The following SPRED1 variants were observed in gnomAD, a reference collection of about 807,000 sequenced individuals.
The protein encoded by SPRED1 is sprouty related EVH1 domain containing 1.
A neutral mutation model predicts 52.3 loss-of-function variants in SPRED1; 18 were observed. The ratio of observed to expected loss-of-function variants is 0.34; its 90% confidence interval spans 0.24 to 0.51. The LOEUF is 0.51. SPRED1 is among the 20% of genes least tolerant of loss of function. The pLI is 0.97. For synonymous variants in SPRED1, 155 were observed against 179.7 expected, an observed-to-expected ratio of 0.86 and a Z score of 1.10; for missense variants, 485 against 551.0, an observed-to-expected ratio of 0.88 and a Z score of 1.20.
chr15:38,304,789 T>G (rs1895216795), intron 2 of SPRED1, among the ~76,000 whole-genome samples: 1 of 152,222 alleles, frequency 6.6e-6, no homozygotes, highest in South Asian at 2.1e-4. Context: ...TTTATTCCCC[T>G]CCTACTGCTC....
chr15:38,271,477 CAGCT>C (rs74387723), intron 1 of SPRED1, among the ~76,000 whole-genome samples: 13,801 of 152,202 alleles, frequency 0.091, 752 homozygotes, highest in East Asian at 0.21. Context: ...GAAATAGAGA[CAGCT>C]AACATTTATT....
In SPRED1 at chr15:38,356,179, G is replaced by C. The variant is rs960921010; in HGVS notation, c.*4515G>C. 1 of 151,772 alleles carries C rather than the reference G, an allele frequency of 6.6e-6. No homozygotes were observed. Among genetic ancestry groups the C allele is most frequent in the Non-Finnish European group, 1.5e-5 (1 of 67,892 alleles). The allele number at this position is 151,772 out of a possible 1,614,324, so 9.4% of individuals were successfully genotyped here. On this transcript the variant is annotated 3_prime_UTR_variant, in exon 7 of 7. Transcript: ENST00000299084. ...GCTTTCTATTTCTGACCTCAAAAGT[G>C]CCTCACTTGTATATTATTTCCATTA...
chr15:38,329,106 C>G (rs1354665768), intron 4 of SPRED1, among the ~76,000 whole-genome samples: 11 of 152,112 alleles, frequency 7.2e-5, no homozygotes. Flanking sequence ...ACAACATTTA[C>G]AGCTCTTATT....
intron 6 of SPRED1, among the ~76,000 whole-genome samples, chr15:38,349,873 G>A (rs1265846868): frequency 2.0e-5 from 3 of 152,154 alleles, no homozygotes; most frequent in African/African-American, 7.2e-5. Flanking sequence ...TGAGTCAGAT[G>A]CTTACTTGTA....
At chr15:38,300,011 C>T (rs1196313179) in intron 2 of SPRED1, among the ~76,000 whole-genome samples, 1 of 152,126 alleles carries the variant, frequency 6.6e-6, no homozygotes, top group Non-Finnish European at 1.5e-5. Context: ...ATTCCCATTT[C>T]AGTATCCACA....
At chr15:38,340,041 T>C in intron 5 of SPRED1, 146 bp downstream of exon 5, 1 of 1,079,210 alleles carries the variant, frequency 9.3e-7, no homozygotes, top group Non-Finnish European at 1.4e-6. Context: ...CCAGGAGAAT[T>C]TGATTTATAA....
intron 1 of SPRED1, among the ~76,000 whole-genome samples, chr15:38,281,105 G>A (rs1894677805): frequency 6.6e-6 from 1 of 152,156 alleles, no homozygotes; most frequent in South Asian, 2.1e-4. Context: ...ATAATAATGG[G>A]AGTAAACTTA....
At chr15:38,260,251 C>G (rs1438913034) in intron 1 of SPRED1, among the ~76,000 whole-genome samples, 1 of 152,222 alleles carries the variant, frequency 6.6e-6, no homozygotes, top group Non-Finnish European at 1.5e-5. Context: ...CTTTTGTCTT[C>G]CTTGCTTCTG....
chr15:38,316,530 C>T (rs542878746), intron 2 of SPRED1, among the ~76,000 whole-genome samples: 2 of 151,958 alleles, frequency 1.3e-5, no homozygotes, highest in African/African-American at 4.8e-5. Context: ...CAAAGTTGTG[C>T]TACCAAATAC....
chr15:38,283,066 T>G (rs1894725598), intron 1 of SPRED1, among the ~76,000 whole-genome samples: 1 of 152,128 alleles, frequency 6.6e-6, no homozygotes, highest in African/African-American at 2.4e-5. Flanking sequence ...GACTGGGTAA[T>G]TATAAAAGAA....
intron 4 of SPRED1, among the ~76,000 whole-genome samples, chr15:38,328,398 A>G (rs1895750453): frequency 6.6e-6 from 1 of 152,206 alleles, no homozygotes. Context: ...TTCATAAGCT[A>G]TTGGACAACT....
chr15:38,331,908 T>C (rs780210339), intron 4 of SPRED1, among the ~76,000 whole-genome samples: 1 of 152,184 alleles, frequency 6.6e-6, no homozygotes, highest in Non-Finnish European at 1.5e-5. Context: ...CACCAAGATA[T>C]ATGTAAAAAG....
chr15:38,280,701 A>T (rs7174352), intron 1 of SPRED1, among the ~76,000 whole-genome samples: 125,506 of 152,114 alleles, frequency 0.83, 52,542 homozygotes, highest in Non-Finnish European at 0.9. Context: ...TTTCTTTGAT[A>T]ATCAAAAGCC....
intron 2 of SPRED1, among the ~76,000 whole-genome samples, chr15:38,316,601 C>A (rs1895485509): frequency 6.6e-6 from 1 of 151,904 alleles, no homozygotes; most frequent in Non-Finnish European, 1.5e-5. Flanking sequence ...CCGGCTCCAG[C>A]CAGTCTATTT....
At chr15:38,292,289 A>G (rs1894940830) in intron 1 of SPRED1, among the ~76,000 whole-genome samples, 1 of 152,166 alleles carries the variant, frequency 6.6e-6, no homozygotes, top group South Asian at 2.1e-4. Context: ...TGTCAAAGCC[A>G]TTCTCCCACA....
intron 4 of SPRED1, among the ~76,000 whole-genome samples, chr15:38,333,250 G>A (rs966696459): frequency 9.9e-5 from 15 of 152,148 alleles, no homozygotes; most frequent in Non-Finnish European, 1.9e-4. Flanking sequence ...ACTTTTTGAT[G>A]AGTTTGTAGC....
intron 1 of SPRED1, among the ~76,000 whole-genome samples, chr15:38,295,798 C>G (rs1169907467): frequency 6.6e-6 from 1 of 152,066 alleles, no homozygotes; most frequent in African/African-American, 2.4e-5. Context: ...ATTACAAAAA[C>G]TTGCATAATA....
chr15:38,259,381 A>G (rs1163115618), intron 1 of SPRED1, among the ~76,000 whole-genome samples: 1 of 152,026 alleles, frequency 6.6e-6, no homozygotes, highest in East Asian at 1.9e-4. Context: ...TGTGCCTCTT[A>G]AGTAGCTAGG....
At chr15:38,263,206 A>G (rs1033749826) in intron 1 of SPRED1, among the ~76,000 whole-genome samples, 5 of 152,196 alleles carry the variant, frequency 3.3e-5, no homozygotes, top group African/African-American at 7.2e-5. Flanking sequence ...GGCCGCTGTA[A>G]TGCTTTTAAA....
Sources: allele counts gnomAD v4.1 joint callset (sites outside exome capture counted in the v4.1 genomes callset), GRCh38; gene constraint gnomAD v4.1.1; transcripts MANE v1.5; gene names NCBI Gene and HGNC (gene_info 2026-07-23, HGNC 2026-07-21).